The following EYS variants were observed in gnomAD, a reference collection of about 807,000 sequenced individuals.
EYS encodes the protein protein eyes shut homolog.
EYS carries 250 observed loss-of-function variants against 282.1 expected under a neutral mutation model. That is an observed-to-expected ratio of 0.89 (90% CI 0.80 to 0.98). EYS has a LOEUF of 0.98. EYS is among the 50% of genes least tolerant of loss of function. The pLI is 0.00. For synonymous variants in EYS, 1,355 were observed against 1,282.9 expected (o/e 1.06, Z -1.20); for missense variants, 4,016 against 3,709.0 (o/e 1.08, Z -2.15).
chr6:63,720,997 C>T lies in EYS; in HGVS notation c.9034G>A (p.Gly3012Ser). ...ATTTTCAAGGTCTGATTATGGAGAC[C>T]AATTGCCAGAAAATCATTTTCTTCA... The part of the protein sequence containing the change: ...QNEENDFLAI[G>S]LHNQTLKIAV... Residue 3012 changes from glycine to serine, a missense_variant, in exon 43 of 43, where the codon GGT becomes AGT. Physicochemically the swap from Gly to Ser is moderately conservative, Grantham distance 56. Coordinates refer to ENST00000503581, the MANE Select transcript of EYS (RefSeq NM_001142800.2). 1 of 1,551,252 alleles carries T rather than the reference C, an allele frequency of 6.4e-7. No homozygotes were observed. Among genetic ancestry groups the T allele is most frequent in the Middle Eastern group, 1.7e-4 (1 of 5,988 alleles).
intron 22 of EYS, among the ~76,000 whole-genome samples, chr6:64,670,429 A>G (rs1000603689): frequency 3.5e-5 from 5 of 142,322 alleles, no homozygotes; most frequent in African/African-American, 1.3e-4. Flanking sequence ...AAATAAATAA[A>G]TAAATAAATA....
At chr6:63,975,665 G>T (rs1280486194) in intron 35 of EYS, among the ~76,000 whole-genome samples, 2 of 151,982 alleles carry the variant, frequency 1.3e-5, no homozygotes, top group Non-Finnish European at 2.9e-5. Context: ...CTATCTTCTG[G>T]TAATGCAAAA....
chr6:64,493,925 T>C (rs765878519), intron 26 of EYS, among the ~76,000 whole-genome samples: 34 of 151,528 alleles, frequency 2.2e-4, no homozygotes, highest in Non-Finnish European at 4.1e-4. Flanking sequence ...GTCCCATACT[T>C]GGGACCAGGA....
chr6:64,203,521 T>C (rs1765527235), intron 31 of EYS, among the ~76,000 whole-genome samples: 1 of 152,182 alleles, frequency 6.6e-6, no homozygotes, highest in Non-Finnish European at 1.5e-5. Context: ...TCCACTAGAC[T>C]AATTGGAAGG....
At chr6:64,965,017 G>C (rs141945317) in intron 14 of EYS, among the ~76,000 whole-genome samples, 41 of 152,160 alleles carry the variant, frequency 2.7e-4, no homozygotes, top group Non-Finnish European at 4.3e-4. Context: ...GGATGACAGA[G>C]TGAGACTCCA....
intron 26 of EYS, among the ~76,000 whole-genome samples, chr6:64,483,799 C>T (rs542703937): frequency 2.0e-5 from 3 of 151,700 alleles, no homozygotes; most frequent in African/African-American, 7.2e-5. Flanking sequence ...AGCCATAAAT[C>T]ACTACTTATC....
chr6:64,993,708 C>T (rs1006044129), intron 14 of EYS, among the ~76,000 whole-genome samples: 7 of 149,370 alleles, frequency 4.7e-5, no homozygotes, highest in Non-Finnish European at 7.4e-5. Flanking sequence ...CACATGTACC[C>T]TAAAACTTAA....
chr6:63,966,621 C>T (rs753745456), intron 35 of EYS, among the ~76,000 whole-genome samples: 20 of 152,304 alleles, frequency 1.3e-4, no homozygotes, highest in Non-Finnish European at 2.1e-4. Flanking sequence ...GCTAAGCTGA[C>T]TGCCTGAAGT....
intron 19 of EYS, among the ~76,000 whole-genome samples, chr6:64,835,115 A>G (rs1047897052): frequency 4.6e-5 from 7 of 151,778 alleles, no homozygotes; most frequent in Non-Finnish European, 5.9e-5. Context: ...TATTTATAAC[A>G]TAGTTTAATT....
chr6:65,532,741 C>T (rs1329745722), intron 2 of EYS, among the ~76,000 whole-genome samples: 2 of 152,000 alleles, frequency 1.3e-5, no homozygotes, highest in Admixed American at 1.3e-4. Flanking sequence ...CCCACATTCC[C>T]TAGATGGATA....
intron 30 of EYS, among the ~76,000 whole-genome samples, chr6:64,287,197 G>C (rs1768532925): frequency 6.6e-6 from 1 of 152,044 alleles, no homozygotes; most frequent in Non-Finnish European, 1.5e-5. Flanking sequence ...ACTGCCTTTA[G>C]CTACTCTCCA....
intron 36 of EYS, among the ~76,000 whole-genome samples, chr6:63,856,019 T>C (rs1262615207): frequency 2.6e-5 from 4 of 151,318 alleles, no homozygotes; most frequent in Non-Finnish European, 5.9e-5. Context: ...AGTGAAGTTT[T>C]TTTTTTTTTT....
At chr6:64,105,637 T>C (rs757465728) in intron 31 of EYS, among the ~76,000 whole-genome samples, 6 of 152,142 alleles carry the variant, frequency 3.9e-5, no homozygotes, top group Non-Finnish European at 5.9e-5. Context: ...TCTTTTCTCT[T>C]TCACTATAGT....
chr6:64,118,401 G>T (rs148349240), intron 31 of EYS, among the ~76,000 whole-genome samples: 2,929 of 152,156 alleles, frequency 0.019, 80 homozygotes, highest in African/African-American at 0.066. Context: ...ACAGCTGGCT[G>T]ATTTTTGACA....
intron 5 of EYS, among the ~76,000 whole-genome samples, chr6:65,461,875 G>T (rs1764838492): frequency 6.6e-6 from 1 of 152,034 alleles, no homozygotes; most frequent in Admixed American, 6.6e-5. Flanking sequence ...TCCAAAAAAT[G>T]ATTTATCAGT....
chr6:64,305,935 T>C (rs9351223), intron 30 of EYS, among the ~76,000 whole-genome samples: 109,050 of 151,990 alleles, frequency 0.72, 39,322 homozygotes, highest in African/African-American at 0.79. Flanking sequence ...TAACAGAGTA[T>C]AAAGACAACT....
chr6:64,131,929 T>C (rs932390373), intron 31 of EYS, among the ~76,000 whole-genome samples: 2 of 152,170 alleles, frequency 1.3e-5, no homozygotes, highest in Non-Finnish European at 1.5e-5. Context: ...CTATGTATGG[T>C]GAAGGACTAT....
intron 5 of EYS, among the ~76,000 whole-genome samples, chr6:65,457,565 C>G (rs186216255): frequency 1.3e-5 from 2 of 152,288 alleles, no homozygotes; most frequent in African/African-American, 2.4e-5. Context: ...GGAATATCAT[C>G]TGAAACTGCA....
chr6:65,091,271 T>C (rs1193184102), intron 12 of EYS, among the ~76,000 whole-genome samples: 3 of 56,412 alleles, frequency 5.3e-5, no homozygotes, highest in African/African-American at 2.0e-4. Flanking sequence ...CCATCTCCCC[T>C]AAAAAAAAAA....
Sources: allele counts gnomAD v4.1 joint callset (sites outside exome capture counted in the v4.1 genomes callset), GRCh38; gene constraint gnomAD v4.1.1; transcripts MANE v1.5; gene names NCBI Gene and HGNC (gene_info 2026-07-23, HGNC 2026-07-21).